EIF3E: variants seen among roughly 807,000 people sequenced by gnomAD.
EIF3E encodes the protein eIF-3 p48.
EIF3E carries 25 observed loss-of-function variants against 59.3 expected under a neutral mutation model. The ratio of observed to expected loss-of-function variants is 0.42; its 90% confidence interval spans 0.31 to 0.59. EIF3E has a LOEUF of 0.59. EIF3E is among the 20% of genes least tolerant of loss of function. The pLI, the probability that EIF3E is intolerant of heterozygous loss-of-function variation, is 0.15. For synonymous variants in EIF3E, 176 were observed against 170.2 expected, an observed-to-expected ratio of 1.03 and a Z score of -0.26; for missense variants, 317 against 534.3, an observed-to-expected ratio of 0.59 and a Z score of 4.01.
intron 3 of EIF3E, among the ~76,000 whole-genome samples, chr8:108,237,018 T>A (rs1258716757): frequency 1.3e-5 from 2 of 151,722 alleles, no homozygotes; most frequent in African/African-American, 4.8e-5. Context: ...TGAGACTCTG[T>A]CTCAAAAAAA....
chr8:108,216,352 C>T (rs1044969444), intron 9 of EIF3E, 60 bp downstream of exon 9: 32 of 1,251,452 alleles, frequency 2.6e-5, no homozygotes, highest in South Asian at 2.1e-4. Context: ...GCAAGATTAA[C>T]GTTACAATAT....
chr8:108,204,740 TATATATAG>T (rs1815060979), intron 10 of EIF3E, among the ~76,000 whole-genome samples: 1 of 103,134 alleles, frequency 9.7e-6, no homozygotes, highest in African/African-American at 4.2e-5. Context: ...TGTATATATA[TATATATAG>T]AGAGAGAGAG....
At position 108,219,500 on chromosome 8, in the gene EIF3E, G is replaced by T. The variant is rs549898819; in HGVS notation, c.723-2040C>A. ...TTTTGCTTAATTAATTTCAAATTTA[G>T]AGGTCCATATCATTAAAAAGTATTG... On this transcript the variant is annotated intron_variant, in intron 7 of 12. Coordinates refer to ENST00000220849, the MANE Select transcript of EIF3E (RefSeq NM_001568.3). Among the ~76,000 whole-genome samples, 49 of 152,258 alleles carry T rather than the reference G, an allele frequency of 3.2e-4. 2 individuals are homozygous for T. Among genetic ancestry groups the T allele is most frequent in the Admixed American group, 2.6e-3 (40 of 15,298 alleles).
Position 108,240,250 on chromosome 8 carries a change from C to A in EIF3E, c.206-175G>T, listed in dbSNP as rs369603818. On this transcript the variant is annotated intron_variant, in intron 2 of 12. Transcript: ENST00000220849. Reference sequence around the variant, plus strand: ...CAGAAATGTCCCCGATCCCTAATTTCTTTTTTCTACTAATACAAAGGCACA... The same window carrying A: ...CAGAAATGTCCCCGATCCCTAATTTATTTTTTCTACTAATACAAAGGCACA... Among the ~76,000 whole-genome samples the A allele has an allele frequency of 1.4e-4, 22 of 152,172 alleles. No individual in the cohort carries two copies. In the East Asian group the frequency reaches 2.3e-3, roughly 16 times the overall value.
chr8:108,213,365 C>T (rs1040758582), intron 10 of EIF3E, among the ~76,000 whole-genome samples: 2 of 152,096 alleles, frequency 1.3e-5, no homozygotes, highest in Non-Finnish European at 2.9e-5. Flanking sequence ...ATTGTATACT[C>T]ACACTATACT....
chr8:108,214,520 G>A, intron 10 of EIF3E, 87 bp downstream of exon 10: 1 of 917,496 alleles, frequency 1.1e-6, no homozygotes, highest in Non-Finnish European at 1.6e-6. Flanking sequence ...CAATTAACTG[G>A]AATTCTATTA....
At chr8:108,229,344 C>T (rs1185827610) in intron 5 of EIF3E, 149 bp from the exon 6 acceptor site, 2 of 708,086 alleles carry the variant, frequency 2.8e-6, no homozygotes, top group Non-Finnish European at 4.2e-6. Context: ...TATTGGATCA[C>T]ACTGGTTTGT....
At chr8:108,210,864 G>A (rs1450189320) in intron 10 of EIF3E, among the ~76,000 whole-genome samples, 2 of 151,886 alleles carry the variant, frequency 1.3e-5, no homozygotes, top group Admixed American at 1.3e-4. Flanking sequence ...TTCTGTCCTT[G>A]TGATAGTTTG....
At chr8:108,217,642 TGAG>T (rs1815329068) in intron 7 of EIF3E, among the ~76,000 whole-genome samples, 182 bp from the exon 8 acceptor site, 2 of 152,072 alleles carry the variant, frequency 1.3e-5, no homozygotes, top group African/African-American at 2.4e-5. Context: ...GGAATCCAAA[TGAG>T]GAGAATGCTA....
intron 7 of EIF3E, 123 bp from the exon 8 acceptor site, chr8:108,217,583 T>C: frequency 4.1e-6 from 3 of 734,130 alleles, no homozygotes; most frequent in Non-Finnish European, 6.1e-6. Context: ...AGAATGAGTA[T>C]TATAAGAAAA....
intron 9 of EIF3E, among the ~76,000 whole-genome samples, chr8:108,215,356 C>T (rs859787): frequency 0.5 from 76,200 of 151,878 alleles, 19,174 homozygotes; most frequent in African/African-American, 0.58. Flanking sequence ...CGGTGGCTGA[C>T]GCCTGTAATC....
chr8:108,230,113 G>A (rs1021075677), intron 5 of EIF3E, among the ~76,000 whole-genome samples: 4 of 152,144 alleles, frequency 2.6e-5, no homozygotes, highest in African/African-American at 4.8e-5. Flanking sequence ...AAGAATACAT[G>A]TCTACACCTC....
chr8:108,228,226 T>G, intron 7 of EIF3E, 41 bp downstream of exon 7: 1 of 1,523,532 alleles, frequency 6.6e-7, no homozygotes. Flanking sequence ...CCATGTAATT[T>G]TATCTAAACA....
intron 3 of EIF3E, among the ~76,000 whole-genome samples, chr8:108,237,259 T>TA (rs1405421919): frequency 1.3e-5 from 2 of 152,200 alleles, no homozygotes; most frequent in Non-Finnish European, 2.9e-5. Context: ...TTTTTGTTGT[T>TA]ACTGTTTTTT....
Position 108,236,209 on chromosome 8 carries a change from T to C in EIF3E, c.324-6A>G. 2 of 1,607,738 alleles carry C rather than the reference T, an allele frequency of 1.2e-6. No homozygotes were observed. Among genetic ancestry groups the C allele is most frequent in the South Asian group, 1.1e-5 (1 of 89,482 alleles). ...CAAAGAGCATCCTACCATCCCTAAATAATAAAAAACAAAAATTACATTATT... is the reference window on the plus strand; with the variant it reads ...CAAAGAGCATCCTACCATCCCTAAACAATAAAAAACAAAAATTACATTATT... On this transcript the variant is annotated splice_region_variant and splice_polypyrimidine_tract_variant and intron_variant, in intron 3 of 12. Coordinates refer to ENST00000220849, the MANE Select transcript of EIF3E (RefSeq NM_001568.3).
At position 108,229,445 on chromosome 8, in the gene EIF3E, G is replaced by T. The variant is rs544731144; in HGVS notation, c.472-250C>A. On this transcript the variant is annotated intron_variant, in intron 5 of 12. Coordinates refer to ENST00000220849, the MANE Select transcript of EIF3E (RefSeq NM_001568.3). ...TAACTTTTATAACTAGGAAACAGCAGCATCATCTTACTATAACCCACTTCA... is the reference window on the plus strand; with the variant it reads ...TAACTTTTATAACTAGGAAACAGCATCATCATCTTACTATAACCCACTTCA... The T allele has an allele frequency of 1.1e-5, 3 of 269,180 alleles. No homozygotes were observed. In the East Asian group the frequency reaches 2.0e-4, roughly 18 times the overall value. 16.7% of individuals were successfully genotyped at this position (269,180 alleles called of 1,614,324 possible).
chr8:108,240,009 A>G lies in EIF3E; in HGVS notation c.272T>C (p.Ile91Thr). 6.2e-7 allele frequency: 1 copy of G among 1,614,010 alleles called. No homozygotes were observed. The highest frequency in any genetic ancestry group is 8.5e-7 in the Non-Finnish European group (1 of 1,179,970). The change falls in exon 3 of 13, where the codon ATT becomes ACT. Residue 91 changes from isoleucine (I) to threonine (T), a missense_variant. Ile to Thr is a moderately conservative substitution (Grantham distance 89, BLOSUM62 -1). This residue lies in a region of EIF3E where 242 missense variants were observed against 398.0 expected (regional missense o/e 0.61). Transcript: ENST00000220849. ...TTCTGGATCTTCAAACATCTTCACA[A>G]TTGGTTCTGTTTCTGCCTGAAGCTG... ...LKQLQAETEP[I>T]VKMFEDPETT... is the part of the protein sequence containing the mutation.
At chr8:108,240,621 T>C (rs1488839060) in intron 2 of EIF3E, among the ~76,000 whole-genome samples, 2 of 152,206 alleles carry the variant, frequency 1.3e-5, no homozygotes, top group Non-Finnish European at 2.9e-5. Context: ...CCTTTTACTA[T>C]ACTATGAAAA....
rs1454690630 is a variant in EIF3E at position 108,242,016 on chromosome 8, T to C, written c.91-103A>G. 5.6e-6 allele frequency: 7 copies of C among 1,239,678 alleles called. No homozygotes were observed. In the African/African-American group the frequency reaches 9.2e-5, roughly 16 times the overall value. The allele number at this position is 1,239,678 out of a possible 1,614,324, so 76.8% of individuals were successfully genotyped here. A position where few individuals can be genotyped will look rare whatever the true frequency, so the allele number is the denominator to read the frequency against. On this transcript the variant is annotated intron_variant, in intron 1 of 12. Coordinates refer to ENST00000220849, the MANE Select transcript of EIF3E (RefSeq NM_001568.3). The stretch of plus-strand genomic sequence containing the variant: ...TGGAAATATATTTCAAGAAATACTT[T>C]ATAAAATACGATAAACCATTAACAT...
Sources: gnomAD v4.1 joint callset for allele counts (sites outside exome capture counted in the v4.1 genomes callset) on GRCh38, gnomAD v4.1.1 for gene constraint, gnomAD v4.1.1 regional missense constraint, MANE v1.5 for transcripts, NCBI Gene and HGNC (gene_info 2026-07-23, HGNC 2026-07-21) for gene names.